Variants in SPAG16 observed in about 807,000 individuals in gnomAD.
The protein encoded by SPAG16 is sperm-associated antigen 16 protein.
Under a neutral mutation model 80.4 loss-of-function variants are expected in SPAG16, and 86 were observed. The ratio of observed to expected loss-of-function variants is 1.07; its 90% CI spans 0.90 to 1.28. The LOEUF (loss-of-function observed/expected upper bound fraction) is 1.28, where lower values mean the gene tolerates loss of function less well. Among genes scored for constraint, SPAG16 ranks in the 50% most tolerant of loss-of-function variants. The probability of loss-of-function intolerance (pLI) is 0.00; values close to 1 mark genes in which losing one functional copy is unlikely to be tolerated. For synonymous variants in SPAG16, 294 were observed against 265.9 expected (o/e 1.11, Z -1.03); for missense variants, 870 against 765.3 (o/e 1.14, Z -1.61).
intron 13 of SPAG16, among the ~76,000 whole-genome samples, chr2:214,025,654 C>T (rs2048090903): frequency 6.6e-6 from 1 of 151,560 alleles, no homozygotes; most frequent in African/African-American, 2.4e-5. Flanking sequence ...AAAACAACAC[C>T]TCTTGTTATA....
chr2:213,545,025 G>C (rs1011466603), intron 10 of SPAG16, among the ~76,000 whole-genome samples: 2 of 152,100 alleles, frequency 1.3e-5, no homozygotes, highest in Non-Finnish European at 2.9e-5. Context: ...ACTAAGGAGA[G>C]AGATTGCTGG....
chr2:214,406,024 T>A (rs1701979652), intron 15 of SPAG16, among the ~76,000 whole-genome samples: 1 of 152,102 alleles, frequency 6.6e-6, no homozygotes, highest in Non-Finnish European at 1.5e-5. Flanking sequence ...GTCATAAAGG[T>A]TTTTGTGCTC....
At chr2:214,101,360 C>A (rs1410709002) in intron 13 of SPAG16, among the ~76,000 whole-genome samples, 3 of 151,994 alleles carry the variant, frequency 2.0e-5, no homozygotes, top group African/African-American at 7.3e-5. Context: ...GTGGGGCATT[C>A]CTGCTGGTCT....
intron 14 of SPAG16, among the ~76,000 whole-genome samples, chr2:214,113,741 T>C (rs1445166187): frequency 6.6e-6 from 1 of 152,184 alleles, no homozygotes; most frequent in Non-Finnish European, 1.5e-5. Context: ...TTTCAAGGTT[T>C]TTAGCTTCCT....
chr2:214,232,312 G>A (rs1688753587), intron 15 of SPAG16, among the ~76,000 whole-genome samples: 1 of 151,724 alleles, frequency 6.6e-6, no homozygotes, highest in African/African-American at 2.4e-5. Context: ...ATTCTAAATT[G>A]GTATGAAATA....
At chr2:214,031,991 A>G (rs537477244) in intron 13 of SPAG16, among the ~76,000 whole-genome samples, 7 of 152,318 alleles carry the variant, frequency 4.6e-5, no homozygotes, top group Middle Eastern at 3.4e-3. Flanking sequence ...GGGTGAGGAC[A>G]CAGAGACAAA....
chr2:214,201,140 G>C (rs1218604323), intron 15 of SPAG16, among the ~76,000 whole-genome samples: 1 of 152,100 alleles, frequency 6.6e-6, no homozygotes, highest in Non-Finnish European at 1.5e-5. Flanking sequence ...TTTTTCTAAA[G>C]ACGGAGCCAA....
intron 13 of SPAG16, among the ~76,000 whole-genome samples, chr2:214,029,746 TACTC>T (rs1439578214): frequency 1.3e-5 from 2 of 152,114 alleles, no homozygotes; most frequent in African/African-American, 4.8e-5. Flanking sequence ...AGCGACAAAT[TACTC>T]AGTCACTCAC....
At chr2:213,652,783 C>G (rs2063070280) in intron 10 of SPAG16, among the ~76,000 whole-genome samples, 1 of 152,038 alleles carries the variant, frequency 6.6e-6, no homozygotes, top group South Asian at 2.1e-4. Context: ...ATATGGTTTA[C>G]AAATACACAC....
intron 12 of SPAG16, among the ~76,000 whole-genome samples, chr2:213,980,922 A>C (rs1027790898): frequency 2.6e-5 from 4 of 151,764 alleles, no homozygotes; most frequent in Admixed American, 2.6e-4. Flanking sequence ...AAAAAAGAAT[A>C]AGAGTAAATA....
intron 10 of SPAG16, among the ~76,000 whole-genome samples, chr2:213,577,124 C>T (rs190418199): frequency 7.2e-5 from 11 of 152,074 alleles, no homozygotes; most frequent in Admixed American, 3.3e-4. Flanking sequence ...TGTATAAATA[C>T]ATAATTAGTT....
intron 15 of SPAG16, among the ~76,000 whole-genome samples, chr2:214,266,852 G>C (rs556373468): frequency 6.6e-6 from 1 of 150,964 alleles, no homozygotes; most frequent in South Asian, 2.1e-4. Flanking sequence ...GAGTTAAAAG[G>C]AATAAAATAC....
intron 12 of SPAG16, among the ~76,000 whole-genome samples, chr2:213,972,292 T>G (rs191637678): frequency 6.6e-6 from 1 of 150,684 alleles, no homozygotes; most frequent in Admixed American, 6.6e-5. Flanking sequence ...CATATAAATA[T>G]ATATAATATA....
rs756271064 is a variant in SPAG16, at chr2:213,790,499, C to CT, written c.1071-71978dup. On this transcript the variant is annotated intron_variant, in intron 10 of 15. Transcript: ENST00000331683. ...CATGAAGGTTTAATGGATTATTTTT[C>CT]TTTTTTTTGTTAATTTCTACCTCTT... Among the ~76,000 whole-genome samples, 63 of 151,370 alleles carry CT rather than the reference C, an allele frequency of 4.2e-4. 1 individual carries two copies. Among genetic ancestry groups the CT allele is most frequent in the East Asian group, 7.7e-4 (4 of 5,170 alleles).
chr2:213,605,628 T>A (rs2061232272), intron 10 of SPAG16, among the ~76,000 whole-genome samples: 1 of 152,168 alleles, frequency 6.6e-6, no homozygotes, highest in Non-Finnish European at 1.5e-5. Context: ...TAGCTGGGAC[T>A]ACAGGCGCCT....
chr2:213,771,835 C>T (rs2069267474), intron 10 of SPAG16, among the ~76,000 whole-genome samples: 1 of 152,140 alleles, frequency 6.6e-6, no homozygotes, highest in Non-Finnish European at 1.5e-5. Context: ...CAGTACCATG[C>T]TGTTTGGTTA....
rs755755174 is a variant in SPAG16, at chr2:213,317,263, G to A, written c.443G>A (p.Gly148Glu). The change falls in exon 5 of 16, where the codon GGG (glycine) becomes GAG (glutamate). Residue 148 changes from glycine (G) to glutamate (E), a missense_variant. Coordinates refer to ENST00000331683, the MANE Select transcript of SPAG16 (RefSeq NM_024532.5). ...GGAGTGACTGAACTTAGAACTGTTG[G>A]GAATGTTCCAGATGTCTACACCCAG... ...QKGVTELRTV[G>E]NVPDVYTQIM... The A allele has an allele frequency of 6.2e-7, 1 of 1,608,976 alleles. No homozygotes were observed. The highest frequency in any genetic ancestry group is 8.5e-7 in the Non-Finnish European group (1 of 1,177,086).
intron 10 of SPAG16, among the ~76,000 whole-genome samples, chr2:213,856,204 G>A (rs1432266460): frequency 6.6e-6 from 1 of 152,156 alleles, no homozygotes; most frequent in Non-Finnish European, 1.5e-5. Context: ...GTCATTAAAC[G>A]TTAAAATTCC....
chr2:213,990,603 A>G (rs1472077880), intron 12 of SPAG16, among the ~76,000 whole-genome samples: 1 of 152,138 alleles, frequency 6.6e-6, no homozygotes, highest in Non-Finnish European at 1.5e-5. Flanking sequence ...GGAAGAGACA[A>G]TATATTTACT....
Sources: allele counts gnomAD v4.1 joint callset (sites outside exome capture counted in the v4.1 genomes callset), GRCh38; gene constraint gnomAD v4.1.1; transcripts MANE v1.5; gene names NCBI Gene and HGNC (gene_info 2026-07-23, HGNC 2026-07-21).